Variants in CDYL observed in about 807,000 individuals in gnomAD.
The protein encoded by CDYL is chromodomain Y-like protein.
In CDYL, 8 loss-of-function variants were observed where a neutral mutation model predicts 47.3. That is an observed-to-expected ratio of 0.17 (90% CI 0.10 to 0.31). CDYL has a LOEUF of 0.31. CDYL is among the 10% of genes least tolerant of loss of function. CDYL has a pLI of 1.00. For synonymous variants in CDYL, 266 were observed against 265.0 expected (o/e 1.00, Z -0.04); for missense variants, 471 against 701.4 (o/e 0.67, Z 3.71).
intron 3 of CDYL, 118 bp downstream of exon 3, chr6:4,935,889 C>G: frequency 6.9e-7 from 1 of 1,458,064 alleles, no homozygotes; most frequent in African/African-American, 1.4e-5. Context: ...GGGCCATCTC[C>G]CGATGCCCAC....
At chr6:4,751,845 C>A (rs748141343) in intron 3 of CDYL, among the ~76,000 whole-genome samples, 2 of 152,200 alleles carry the variant, frequency 1.3e-5, no homozygotes, top group African/African-American at 4.8e-5. Context: ...AAATACTGAA[C>A]AAAAGGCTTT....
At chr6:4,722,935 C>T (rs975865596) in intron 2 of CDYL, among the ~76,000 whole-genome samples, 1 of 152,130 alleles carries the variant, frequency 6.6e-6, no homozygotes. Context: ...ACTGAGGCAA[C>T]TGATTACCCT....
At chr6:4,904,307 A>C (rs1757161632) in intron 2 of CDYL, among the ~76,000 whole-genome samples, 1 of 152,368 alleles carries the variant, frequency 6.6e-6, no homozygotes, top group Admixed American at 6.5e-5. Flanking sequence ...GATATAGTGA[A>C]TACCCATCTC....
intron 1 of CDYL, among the ~76,000 whole-genome samples, chr6:4,866,558 A>G (rs1036650339): frequency 6.6e-6 from 1 of 152,144 alleles, no homozygotes; most frequent in Admixed American, 6.5e-5. Context: ...GCGAAAAGAC[A>G]ATGCCAAGTC....
chr6:4,875,518 T>C lies in CDYL; in HGVS notation c.25-16195T>C, dbSNP rs78390557. Reference sequence around the variant, plus strand: ...TGTTTTGCCATTTTTGTTAAACTTATTTCTAATATTTTGGCTTTTTATTAT... The same window carrying C: ...TGTTTTGCCATTTTTGTTAAACTTACTTCTAATATTTTGGCTTTTTATTAT... On this transcript the variant is annotated intron_variant, in intron 1 of 6. Transcript: ENST00000397588. Among the ~76,000 whole-genome samples, 88 of 152,356 alleles carry C rather than the reference T, an allele frequency of 5.8e-4. No homozygotes were observed. The East Asian group carries it at 0.016, about 27-fold the overall frequency.
At chr6:4,762,665 A>G (rs1758193944) in intron 3 of CDYL, among the ~76,000 whole-genome samples, 1 of 147,728 alleles carries the variant, frequency 6.8e-6, no homozygotes, top group African/African-American at 2.5e-5. Flanking sequence ...AAAAAAAAAA[A>G]AAAAGGTTTA....
At chr6:4,768,554 AATAATCC>A (rs1758290229) in intron 3 of CDYL, among the ~76,000 whole-genome samples, 1 of 152,240 alleles carries the variant, frequency 6.6e-6, no homozygotes. Flanking sequence ...CAGGGTATAA[AATAATCC>A]ATGAGTCTCA....
intron 5 of CDYL, among the ~76,000 whole-genome samples, chr6:4,951,876 C>G (rs1278765583): frequency 6.6e-6 from 1 of 152,120 alleles, no homozygotes. Flanking sequence ...AAAGAGCTCA[C>G]ACGTGGGAAG....
chr6:4,770,191 C>A (rs1758318397), intron 3 of CDYL, among the ~76,000 whole-genome samples: 1 of 152,028 alleles, frequency 6.6e-6, no homozygotes, highest in South Asian at 2.1e-4. Flanking sequence ...AGATTGCCAG[C>A]TACGTGAGAG....
rs570579919 is a variant in CDYL at position 4,787,293 on chromosome 6, T to G, written c.24+10486T>G. ...CTAGACTGATTCGTTGTGCCCTTCCTTCAGAGTGCACCTAGACGAGTCAGA... is the reference window on the plus strand; with the variant it reads ...CTAGACTGATTCGTTGTGCCCTTCCGTCAGAGTGCACCTAGACGAGTCAGA... On this transcript the variant is annotated intron_variant, in intron 1 of 6. Coordinates refer to ENST00000397588, the MANE Select transcript of CDYL (RefSeq NM_004824.4). 2.6e-5 allele frequency among the ~76,000 whole-genome samples: 4 copies of G among 152,308 alleles called. No individual in the cohort carries two copies. The South Asian group carries it at 8.3e-4, about 32-fold the overall frequency.
intron 3 of CDYL, among the ~76,000 whole-genome samples, chr6:4,768,212 G>A (rs1346597480): frequency 1.3e-5 from 2 of 152,146 alleles, no homozygotes; most frequent in East Asian, 1.9e-4. Context: ...ATTTTAGCTC[G>A]CTAGTTCAGG....
chr6:4,953,136 C>G (rs918746813), intron 6 of CDYL, among the ~76,000 whole-genome samples: 1 of 151,420 alleles, frequency 6.6e-6, no homozygotes, highest in African/African-American at 2.4e-5. Context: ...ATAATCCCAG[C>G]ACTTTGGGAG....
At chr6:4,821,146 A>G (rs749671228) in intron 1 of CDYL, among the ~76,000 whole-genome samples, 146 of 152,124 alleles carry the variant, frequency 9.6e-4, no homozygotes, top group Middle Eastern at 3.4e-3. Context: ...TTTATGGTCC[A>G]AGTGAAAGTT....
At chr6:4,795,865 A>G (rs1316895499) in intron 1 of CDYL, among the ~76,000 whole-genome samples, 1 of 151,900 alleles carries the variant, frequency 6.6e-6, no homozygotes, top group Non-Finnish European at 1.5e-5. Context: ...TCTTTCATGA[A>G]CATTATCCTC....
chr6:4,735,293 A>G (rs1757682229), intron 3 of CDYL, among the ~76,000 whole-genome samples: 1 of 151,926 alleles, frequency 6.6e-6, no homozygotes, highest in Non-Finnish European at 1.5e-5. Flanking sequence ...TCTGTCTCAA[A>G]AAAAAGAAAA....
chr6:4,921,252 G>T (rs549093504), intron 2 of CDYL, among the ~76,000 whole-genome samples: 1 of 152,272 alleles, frequency 6.6e-6, no homozygotes, highest in South Asian at 2.1e-4. Context: ...ACAGGACATG[G>T]AATACTAGTG....
chr6:4,745,885 G>C (rs978178259), intron 3 of CDYL, among the ~76,000 whole-genome samples: 6 of 152,214 alleles, frequency 3.9e-5, no homozygotes, highest in Non-Finnish European at 5.9e-5. Context: ...CAGTGCACAA[G>C]CCCAGAGCAG....
chr6:4,727,760 A>G (rs1291024712), intron 2 of CDYL, among the ~76,000 whole-genome samples: 4 of 152,064 alleles, frequency 2.6e-5, no homozygotes, highest in Non-Finnish European at 5.9e-5. Flanking sequence ...ATACAGTGTC[A>G]TGTTTGCTGA....
At chr6:4,711,939 C>T (rs1022815738) in intron 1 of CDYL, among the ~76,000 whole-genome samples, 2 of 152,090 alleles carry the variant, frequency 1.3e-5, no homozygotes, top group Non-Finnish European at 2.9e-5. Flanking sequence ...GTGGTATGCA[C>T]CTGTAGATCC....
Sources: gnomAD v4.1 joint callset for allele counts (sites outside exome capture counted in the v4.1 genomes callset) on GRCh38, gnomAD v4.1.1 for gene constraint, MANE v1.5 for transcripts, NCBI Gene and HGNC (gene_info 2026-07-23, HGNC 2026-07-21) for gene names.